HEATR5B: variants seen among roughly 807,000 people sequenced by gnomAD.
HEATR5B encodes HEAT repeat containing 5B.
Under a neutral mutation model 224.1 loss-of-function variants are expected in HEATR5B, and 156 were observed. The observed-to-expected ratio is 0.70, with a 90% CI of 0.61 to 0.80. The LOEUF (loss-of-function observed/expected upper bound fraction) is 0.80, where lower values mean the gene tolerates loss of function less well. Among genes scored for constraint, HEATR5B ranks in the 30% least tolerant of loss-of-function variants. The probability of loss-of-function intolerance (pLI) is 0.00; values close to 1 mark genes in which losing one functional copy is unlikely to be tolerated. For missense variants in HEATR5B, 2,323 were observed against 2,535.5 expected, an observed-to-expected ratio of 0.92 and a Z score of 1.80; for synonymous variants, 1,027 against 893.0, an observed-to-expected ratio of 1.15 and a Z score of -2.68.
At chr2:37,054,480 AT>A (rs11433192) in intron 16 of HEATR5B, among the ~76,000 whole-genome samples, 17,091 of 74,776 alleles carry the variant, frequency 0.23, 1,202 homozygotes, top group East Asian at 0.41. Flanking sequence ...TGTGCTCTGC[AT>A]TTTTTTTTTT....
intron 5 of HEATR5B, among the ~76,000 whole-genome samples, chr2:37,072,622 C>T (rs560490908): frequency 3.3e-5 from 5 of 151,854 alleles, no homozygotes; most frequent in Admixed American, 6.6e-5. Context: ...AAATTCAACA[C>T]AAAGTAAGCA....
intron 35 of HEATR5B, among the ~76,000 whole-genome samples, chr2:36,984,238 A>AT (rs1665801302): frequency 7.5e-6 from 1 of 132,690 alleles, no homozygotes; most frequent in East Asian, 2.4e-4. Context: ...ATATATATAT[A>AT]AAACTGGAAA....
intron 24 of HEATR5B, among the ~76,000 whole-genome samples, chr2:37,023,558 C>T (rs865827026): frequency 6.6e-6 from 1 of 152,062 alleles, no homozygotes; most frequent in Non-Finnish European, 1.5e-5. Flanking sequence ...CACTTGAGGC[C>T]AGGAGTTTGA....
chr2:37,025,263 G>A (rs943242629), intron 24 of HEATR5B, among the ~76,000 whole-genome samples: 20 of 151,966 alleles, frequency 1.3e-4, no homozygotes, highest in African/African-American at 4.8e-4. Context: ...ACTACAGATG[G>A]GAAATACATG....
intron 22 of HEATR5B, among the ~76,000 whole-genome samples, chr2:37,030,300 GA>G (rs1334439069): frequency 6.6e-6 from 1 of 152,152 alleles, no homozygotes. Context: ...AGGGTTCCAA[GA>G]AAAGAGAACA....
At chr2:37,031,304 C>T (rs1487423579) in intron 22 of HEATR5B, among the ~76,000 whole-genome samples, 1 of 152,084 alleles carries the variant, frequency 6.6e-6, no homozygotes, top group East Asian at 1.9e-4. Context: ...CAAACATACT[C>T]ATTTGTAAAA....
intron 35 of HEATR5B, among the ~76,000 whole-genome samples, chr2:36,986,043 G>A (rs11682782): frequency 1.4e-4 from 22 of 151,858 alleles, no homozygotes; most frequent in Non-Finnish European, 2.9e-4. Flanking sequence ...TAGGGTGCCT[G>A]TAAAGGAATT....
At chr2:37,025,774 G>T (rs902797311) in intron 24 of HEATR5B, among the ~76,000 whole-genome samples, 1 of 152,116 alleles carries the variant, frequency 6.6e-6, no homozygotes. Flanking sequence ...GTCAACCTAA[G>T]GATTTTCACT....
intron 18 of HEATR5B, among the ~76,000 whole-genome samples, chr2:37,047,211 G>C (rs1162549713): frequency 6.6e-6 from 1 of 151,660 alleles, no homozygotes; most frequent in Non-Finnish European, 1.5e-5. Flanking sequence ...ATGTAGCAAT[G>C]AATGAAGTGA....
At chr2:36,998,223 A>C (rs1666856563) in intron 33 of HEATR5B, among the ~76,000 whole-genome samples, 1 of 152,226 alleles carries the variant, frequency 6.6e-6, no homozygotes, top group Non-Finnish European at 1.5e-5. Flanking sequence ...AAAGAAATAA[A>C]CCTTGAAATA....
At chr2:37,045,237 G>A (rs1670116392) in intron 18 of HEATR5B, among the ~76,000 whole-genome samples, 1 of 151,828 alleles carries the variant, frequency 6.6e-6, no homozygotes, top group Non-Finnish European at 1.5e-5. Flanking sequence ...CTCCAAGTAA[G>A]AGGTTTTATC....
At chr2:37,048,401 T>C (rs1378291416) in intron 18 of HEATR5B, among the ~76,000 whole-genome samples, 1 of 152,040 alleles carries the variant, frequency 6.6e-6, no homozygotes, top group Non-Finnish European at 1.5e-5. Context: ...CCCAGGCTGA[T>C]CCAGAATTCT....
In HEATR5B at chr2:37,000,590, T is replaced by C. The variant is rs750329230; in HGVS notation, c.5541A>G (p.Gln1847=). The C allele has an allele frequency of 2.5e-6, 4 of 1,612,708 alleles. No individual in the cohort carries two copies. The highest frequency in any genetic ancestry group is 2.5e-6 in the Non-Finnish European group (3 of 1,178,688). ...STLACILEYS[Q]PEDSVPTPDE... The stretch of plus-strand genomic sequence containing the variant: ...CGTTTAAAACTGATAGGTTACCTGG[T>C]TGAGAATATTCCAGGATGCAAGCAA... The change falls in exon 33 of 36, where the codon CAA becomes CAG. Residue 1847 remains glutamine, a synonymous_variant. Transcript: ENST00000233099.
intron 21 of HEATR5B, among the ~76,000 whole-genome samples, chr2:37,034,352 G>A (rs1201339541): frequency 8.7e-5 from 12 of 138,718 alleles, no homozygotes; most frequent in African/African-American, 3.1e-4. Flanking sequence ...GGTGGCTCAC[G>A]CCTGTAATCC....
intron 20 of HEATR5B, among the ~76,000 whole-genome samples, chr2:37,039,861 C>T (rs575904679): frequency 1.3e-5 from 2 of 152,294 alleles, no homozygotes; most frequent in Middle Eastern, 6.8e-3. Context: ...CTTATCTTCT[C>T]GCAGTTTACT....
intron 24 of HEATR5B, among the ~76,000 whole-genome samples, chr2:37,024,121 G>A (rs912967682): frequency 1.3e-5 from 2 of 152,194 alleles, no homozygotes; most frequent in Admixed American, 6.5e-5. Flanking sequence ...TGAACTTGGA[G>A]GCATTAGGTT....
intron 18 of HEATR5B, among the ~76,000 whole-genome samples, chr2:37,044,402 G>C (rs1263821126): frequency 1.3e-5 from 2 of 152,094 alleles, no homozygotes; most frequent in Non-Finnish European, 2.9e-5. Context: ...ATTTTACATA[G>C]AACAAAGCTT....
chr2:36,984,215 A>AATATATATATATATATATATAT (rs60636196), intron 35 of HEATR5B, among the ~76,000 whole-genome samples: 2 of 77,606 alleles, frequency 2.6e-5, no homozygotes, highest in East Asian at 6.2e-4. Context: ...AAAAAAAAAA[A>AATATATATATATATATATATAT]ATATATATAT....
intron 35 of HEATR5B, among the ~76,000 whole-genome samples, chr2:36,987,879 C>G (rs1009277115): frequency 3.9e-5 from 6 of 151,946 alleles, no homozygotes; most frequent in Admixed American, 2.6e-4. Flanking sequence ...AGAGACCAAC[C>G]TGGGCAACAT....
Sources: allele counts gnomAD v4.1 joint callset (sites outside exome capture counted in the v4.1 genomes callset), GRCh38; gene constraint gnomAD v4.1.1; transcripts MANE v1.5; gene names NCBI Gene and HGNC (gene_info 2026-07-23, HGNC 2026-07-21).